HTR4: variants seen among roughly 807,000 people sequenced by gnomAD.
The protein encoded by HTR4 is 5-hydroxytryptamine receptor 4.
In HTR4, 16 loss-of-function variants were observed where a neutral mutation model predicts 36.8. That is an observed-to-expected ratio of 0.43 (90% CI 0.29 to 0.66). The LOEUF is 0.66. Among genes scored for constraint, HTR4 ranks in the 30% least tolerant of loss-of-function variants. The pLI is 0.13. For synonymous variants in HTR4, 189 were observed against 185.1 expected, an observed-to-expected ratio of 1.02 and a Z score of -0.17; for missense variants, 438 against 490.9, an observed-to-expected ratio of 0.89 and a Z score of 1.02.
At chr5:148,504,145 T>C (rs965390709) in intron 6 of HTR4, among the ~76,000 whole-genome samples, 2 of 152,218 alleles carry the variant, frequency 1.3e-5, no homozygotes, top group Non-Finnish European at 2.9e-5. Context: ...CAAGCAGACC[T>C]AATAGACGTC....
At chr5:148,642,904 C>A (rs940013282) in intron 1 of HTR4, among the ~76,000 whole-genome samples, 16 of 151,958 alleles carry the variant, frequency 1.1e-4, no homozygotes, top group South Asian at 8.3e-4. Context: ...ACCAAAAAAA[C>A]CATATTGTTT....
At chr5:148,499,032 A>G (rs1371046596) in intron 6 of HTR4, among the ~76,000 whole-genome samples, 1 of 152,218 alleles carries the variant, frequency 6.6e-6, no homozygotes, top group African/African-American at 2.4e-5. Context: ...GAAAGTTGTA[A>G]TCTTAACTCT....
chr5:148,641,542 C>T (rs1359030152), intron 1 of HTR4, among the ~76,000 whole-genome samples: 1 of 152,242 alleles, frequency 6.6e-6, no homozygotes, highest in South Asian at 2.1e-4. Context: ...CATGACCATG[C>T]ATGACAAGCT....
At chr5:148,545,747 G>C (rs990366806) in intron 4 of HTR4, among the ~76,000 whole-genome samples, 6 of 152,180 alleles carry the variant, frequency 3.9e-5, no homozygotes, top group East Asian at 3.9e-4. Context: ...GGTTAGGAAG[G>C]GGGTGAAGGG....
chr5:148,534,787 C>T (rs1758733146), intron 4 of HTR4, among the ~76,000 whole-genome samples: 1 of 152,042 alleles, frequency 6.6e-6, no homozygotes, highest in Admixed American at 6.5e-5. Context: ...TTCCTGACCT[C>T]AATCTCTCTG....
At chr5:148,638,638 T>C (rs13182501) in intron 1 of HTR4, among the ~76,000 whole-genome samples, 1 of 151,860 alleles carries the variant, frequency 6.6e-6, no homozygotes, top group South Asian at 2.1e-4. Context: ...CACAAAAACC[T>C]GCTCTTCCCC....
At chr5:148,652,031 G>T (rs970115423) in intron 1 of HTR4, among the ~76,000 whole-genome samples, 1 of 152,120 alleles carries the variant, frequency 6.6e-6, no homozygotes, top group Admixed American at 6.5e-5. Flanking sequence ...ACTCAATGAT[G>T]CTATAGTCAT....
rs1357037680 is a variant in HTR4 at position 148,457,920 on chromosome 5, CA to C, written c.1077-6649del. 2.6e-3 allele frequency among the ~76,000 whole-genome samples: 320 copies of C among 121,208 alleles called. 2 individuals are homozygous for C. The highest frequency in any genetic ancestry group is 0.013 in the South Asian group (52 of 4,154). 79.5% of individuals were successfully genotyped at this position (121,208 alleles called of 152,430 possible). ...ATATTTTAATATATATTTAATATAT[CA>C]TTAAAATATATTATATTTTAAGATA... On this transcript the variant is annotated intron_variant, in intron 5 of 5. Coordinates refer to the HTR4 transcript ENST00000521530.
intron 4 of HTR4, among the ~76,000 whole-genome samples, chr5:148,531,793 T>A (rs143288393): frequency 1.3e-5 from 2 of 152,290 alleles, no homozygotes; most frequent in African/African-American, 4.8e-5. Flanking sequence ...TCTAGTGATA[T>A]CTGAAGAGAG....
downstream of HTR4, among the ~76,000 whole-genome samples, chr5:148,479,358 G>T (rs1049431836): frequency 6.6e-6 from 1 of 151,930 alleles, no homozygotes; most frequent in African/African-American, 2.4e-5. Context: ...GATCTTGGAG[G>T]TTACCGAGAA....
intron 6 of HTR4, chr5:148,484,230 G>T: frequency 6.3e-7 from 1 of 1,598,266 alleles, no homozygotes; most frequent in South Asian, 1.1e-5. Context: ...AAAAAATGTT[G>T]AGCAAGATAA....
chr5:148,482,696 G>C lies in HTR4; in HGVS notation c.*507C>G. On this transcript the variant is annotated 3_prime_UTR_variant, in exon 7 of 7. Coordinates refer to ENST00000377888, the MANE Select transcript of HTR4 (RefSeq NM_000870.7). ...CAGAACAGGGCGAAGAAGAGGCAGG[G>C]GATAGCTTGAACATGGCTGTGACGG... is the stretch of plus-strand genomic sequence containing the variant. 1 of 1,005,402 alleles carries C rather than the reference G, an allele frequency of 9.9e-7. No homozygotes were observed. The highest frequency in any genetic ancestry group is 1.2e-6 in the Non-Finnish European group (1 of 840,354). The allele number at this position is 1,005,402 out of a possible 1,614,324, so 62.3% of individuals were successfully genotyped here. A position where few individuals can be genotyped will look rare whatever the true frequency, so the allele number is the denominator to read the frequency against.
intron 2 of HTR4, among the ~76,000 whole-genome samples, chr5:148,593,329 A>C (rs940936071): frequency 6.6e-6 from 1 of 152,284 alleles, no homozygotes; most frequent in South Asian, 2.1e-4. Flanking sequence ...TCTCAGATCA[A>C]TGACAGTAGT....
chr5:148,471,108 T>C (rs1441615984), intron 5 of HTR4, among the ~76,000 whole-genome samples: 1 of 152,210 alleles, frequency 6.6e-6, no homozygotes, highest in African/African-American at 2.4e-5. Context: ...TTGCTTACTT[T>C]CAAAAATTGT....
chr5:148,650,079 T>C (rs1175919559), intron 1 of HTR4, among the ~76,000 whole-genome samples: 3 of 152,240 alleles, frequency 2.0e-5, no homozygotes, highest in Non-Finnish European at 2.9e-5. Flanking sequence ...GTAGGGTACA[T>C]GAGATGTTTT....
chr5:148,476,658 T>C (rs1755705936), downstream of HTR4: 2 of 1,590,970 alleles, frequency 1.3e-6, no homozygotes, highest in African/African-American at 2.7e-5. Context: ...ATTTATTTGA[T>C]AACTTCAGTG....
chr5:148,549,759 G>C (rs185407720), intron 3 of HTR4, among the ~76,000 whole-genome samples: 1 of 146,354 alleles, frequency 6.8e-6, no homozygotes, highest in East Asian at 1.9e-4. Flanking sequence ...TGAGACTGAT[G>C]AAGTAGAAGT....
intron 2 of HTR4, among the ~76,000 whole-genome samples, chr5:148,554,870 A>G (rs1759865605): frequency 6.6e-6 from 1 of 152,056 alleles, no homozygotes; most frequent in African/African-American, 2.4e-5. Flanking sequence ...CTCAGTGTTC[A>G]GCCCCCACTT....
chr5:148,476,511 C>T (rs1175953022), downstream of HTR4: 18 of 1,218,376 alleles, frequency 1.5e-5, no homozygotes, highest in Admixed American at 2.4e-4. Context: ...CAGAAGGCTG[C>T]AGCTTTTGAA....
Sources: gnomAD v4.1 joint callset for allele counts (sites outside exome capture counted in the v4.1 genomes callset) on GRCh38, gnomAD v4.1.1 for gene constraint, MANE v1.5 for transcripts, NCBI Gene and HGNC (gene_info 2026-07-23, HGNC 2026-07-21) for gene names.